ST3GAL3: variants seen among roughly 807,000 people sequenced by gnomAD.
ST3GAL3 encodes CMP-N-acetylneuraminate-beta-1,4-galactoside alpha-2,3-sialyltransferase.
Under a neutral mutation model 50.1 loss-of-function variants are expected in ST3GAL3, and 21 were observed. That is an observed-to-expected ratio of 0.42 (90% CI 0.30 to 0.60). The LOEUF (loss-of-function observed/expected upper bound fraction) is 0.60, where lower values mean the gene tolerates loss of function less well. ST3GAL3 is among the 20% of genes least tolerant of loss of function. The probability of loss-of-function intolerance (pLI) is 0.19; values close to 1 mark genes in which losing one functional copy is unlikely to be tolerated. For synonymous variants in ST3GAL3, 183 were observed against 190.0 expected (o/e 0.96, Z 0.30); for missense variants, 353 against 489.4 (o/e 0.72, Z 2.63).
intron 5 of ST3GAL3, chr1:43,838,568 G>C: frequency 2.3e-6 from 1 of 439,542 alleles, no homozygotes; most frequent in South Asian, 2.0e-5. Flanking sequence ...CATGGTTGCC[G>C]CATGCAAGCC....
At chr1:43,759,043 T>A (rs1572263320) in intron 2 of ST3GAL3, among the ~76,000 whole-genome samples, 1 of 127,540 alleles carries the variant, frequency 7.8e-6, no homozygotes, top group African/African-American at 3.3e-5. Flanking sequence ...GACTGTCTCC[T>A]AAAAAACAAA....
At chr1:43,894,773 G>A (rs1351624257) in intron 6 of ST3GAL3, among the ~76,000 whole-genome samples, 1 of 151,962 alleles carries the variant, frequency 6.6e-6, no homozygotes, top group Non-Finnish European at 1.5e-5. Flanking sequence ...GGGACCATAG[G>A]CACGCACCAC....
At chr1:43,726,623 CTTG>C (rs1434345157) in intron 1 of ST3GAL3, among the ~76,000 whole-genome samples, 2 of 151,770 alleles carry the variant, frequency 1.3e-5, no homozygotes, top group East Asian at 3.9e-4. Context: ...GAGATAGAGT[CTTG>C]TTTTCTTGTT....
intron 2 of ST3GAL3, among the ~76,000 whole-genome samples, chr1:43,780,901 A>G (rs1699159114): frequency 6.6e-6 from 1 of 152,082 alleles, no homozygotes; most frequent in South Asian, 2.1e-4. Flanking sequence ...CGTTATAGCA[A>G]ATACTTTCCT....
chr1:43,832,068 A>G (rs2063617909), intron 4 of ST3GAL3, among the ~76,000 whole-genome samples: 2 of 152,318 alleles, frequency 1.3e-5, no homozygotes, highest in South Asian at 4.1e-4. Context: ...AAGGAAATAA[A>G]GTGTGGAAGC....
At chr1:43,797,836 C>T (rs972296965) in intron 3 of ST3GAL3, among the ~76,000 whole-genome samples, 1 of 151,870 alleles carries the variant, frequency 6.6e-6, no homozygotes, top group African/African-American at 2.4e-5. Context: ...ATAGGAAATC[C>T]CAAGGAATCT....
chr1:43,780,149 C>A lies in ST3GAL3; in HGVS notation c.119-11953C>A, dbSNP rs146192453. Among the ~76,000 whole-genome samples the A allele has an allele frequency of 7.6e-4, 116 of 152,186 alleles. 1 individual carries two copies. In the East Asian group the frequency reaches 0.022, roughly 29 times the overall value. On this transcript the variant is annotated intron_variant, in intron 2 of 11. Coordinates refer to ENST00000347631, the MANE Select transcript of ST3GAL3 (RefSeq NM_006279.5). ...GAGAGGTAATTTTTTGAGAACATAC[C>A]TGAAAATGTCTTTATTCTGATTTCA...
chr1:43,814,806 C>G (rs944750658), intron 3 of ST3GAL3, 85 bp from the exon 4 acceptor site: 2 of 1,290,068 alleles, frequency 1.6e-6, no homozygotes, highest in Non-Finnish European at 2.3e-6. Flanking sequence ...GGTGGTCTGT[C>G]CCTGTGGTCT....
intron 3 of ST3GAL3, among the ~76,000 whole-genome samples, chr1:43,796,738 G>T (rs574534016): frequency 1.3e-5 from 2 of 152,346 alleles, no homozygotes; most frequent in South Asian, 4.1e-4. Flanking sequence ...ATTTGAACTT[G>T]CATGGGAAAA....
At chr1:43,753,936 G>C (rs996364685) in intron 2 of ST3GAL3, among the ~76,000 whole-genome samples, 1 of 152,114 alleles carries the variant, frequency 6.6e-6, no homozygotes, top group African/African-American at 2.4e-5. Context: ...CTACTCTCAG[G>C]TAACTTACTG....
At chr1:43,730,507 G>A (rs949858394) in intron 1 of ST3GAL3, among the ~76,000 whole-genome samples, 21 of 150,006 alleles carry the variant, frequency 1.4e-4, no homozygotes, top group Admixed American at 1.1e-3. Context: ...AGTTCCTTGT[G>A]TAGTTAGAAA....
intron 1 of ST3GAL3, among the ~76,000 whole-genome samples, chr1:43,730,772 T>C (rs1010548062): frequency 6.6e-6 from 1 of 151,970 alleles, no homozygotes; most frequent in African/African-American, 2.4e-5. Flanking sequence ...GATCTTACTA[T>C]GTTGCACAGG....
intron 2 of ST3GAL3, among the ~76,000 whole-genome samples, chr1:43,790,648 T>G (rs2057946694): frequency 6.6e-6 from 1 of 151,450 alleles, no homozygotes; most frequent in Non-Finnish European, 1.5e-5. Context: ...TTTTTTTTTT[T>G]TTGACATGGA....
At chr1:43,708,026 T>C (rs1431800975) in intron 1 of ST3GAL3, 1 of 152,372 alleles carries the variant, frequency 6.6e-6, no homozygotes, top group Non-Finnish European at 1.5e-5. Context: ...ATTCGGGCCC[T>C]GCTGTGGGAA....
chr1:43,785,991 C>T (rs1216929205), intron 2 of ST3GAL3, among the ~76,000 whole-genome samples: 8 of 152,186 alleles, frequency 5.3e-5, no homozygotes, highest in Non-Finnish European at 1.2e-4. Context: ...TCAGTCACTA[C>T]ATCCTGAAGT....
intron 4 of ST3GAL3, among the ~76,000 whole-genome samples, chr1:43,817,600 T>C (rs37465): frequency 0.52 from 51,870 of 98,904 alleles, 13,790 homozygotes; most frequent in Middle Eastern, 0.6. Context: ...TCCTCCTCCC[T>C]TCTCCTTCTC....
intron 4 of ST3GAL3, among the ~76,000 whole-genome samples, chr1:43,835,622 C>T (rs1024818394): frequency 2.6e-5 from 4 of 152,044 alleles, no homozygotes; most frequent in African/African-American, 9.7e-5. Flanking sequence ...GTCCCACAGC[C>T]CTTATTCTTT....
chr1:43,745,705 T>C (rs1171590278), intron 2 of ST3GAL3, among the ~76,000 whole-genome samples: 3 of 152,262 alleles, frequency 2.0e-5, no homozygotes, highest in Non-Finnish European at 4.4e-5. Flanking sequence ...CTTGGCTTAC[T>C]GCAGCCTCCG....
chr1:43,772,030 C>CT (rs11320873), intron 2 of ST3GAL3: 253 of 378,202 alleles, frequency 6.7e-4, no homozygotes, highest in South Asian at 3.5e-3. Context: ...CAGAGGTGGT[C>CT]TTTTTTTTTT....
Sources: allele counts gnomAD v4.1 joint callset (sites outside exome capture counted in the v4.1 genomes callset), GRCh38; gene constraint gnomAD v4.1.1; transcripts MANE v1.5; gene names NCBI Gene and HGNC (gene_info 2026-07-23, HGNC 2026-07-21).